GCNT2: variants seen among roughly 807,000 people sequenced by gnomAD.
GCNT2 encodes glucosaminyl (N-acetyl) transferase 2 (I blood group).
A neutral mutation model predicts 34.2 loss-of-function variants in GCNT2; 34 were observed. The ratio of observed to expected loss-of-function variants is 1.00; its 90% CI spans 0.76 to 1.32. The LOEUF (loss-of-function observed/expected upper bound fraction) is 1.32. Ranked by LOEUF, GCNT2 falls within the 40% of genes most tolerant of loss-of-function variation. The pLI, the probability that GCNT2 is intolerant of heterozygous loss-of-function variation, is 0.00. For missense variants in GCNT2, 584 were observed against 489.4 expected (o/e 1.19, Z -1.82); for synonymous variants, 212 against 188.0 (o/e 1.13, Z -1.04).
chr6:10,559,205 C>T lies in GCNT2; in HGVS notation c.925+29369C>T, dbSNP rs369041830. 9.5e-4 allele frequency among the ~76,000 whole-genome samples: 145 copies of T among 151,884 alleles called. 1 individual carries two copies. Among genetic ancestry groups the T allele is most frequent in the Middle Eastern group, 3.4e-3 (1 of 294 alleles). Reference sequence around the variant, plus strand: ...TAAGAAAATCAAGGGAAAAAGAATTCCCCTTTTTTCCTTACCCCTTTCTGA... The same window carrying T: ...TAAGAAAATCAAGGGAAAAAGAATTTCCCTTTTTTCCTTACCCCTTTCTGA... On this transcript the variant is annotated intron_variant, in intron 3 of 4. Transcript: ENST00000495262.
intron 3 of GCNT2, among the ~76,000 whole-genome samples, chr6:10,562,532 AC>A (rs902023218): frequency 1.3e-5 from 2 of 152,016 alleles, no homozygotes; most frequent in Non-Finnish European, 2.9e-5. Context: ...AGCCTGGGCA[AC>A]AAAGCAAGAC....
chr6:10,601,312 T>A (rs955578952), intron 3 of GCNT2, among the ~76,000 whole-genome samples: 29 of 152,302 alleles, frequency 1.9e-4, no homozygotes, highest in South Asian at 1.0e-3. Flanking sequence ...TACCTTTGAT[T>A]TTTCAATATC....
In GCNT2 at chr6:10,521,410, TGAGA is replaced by T. The variant is rs1381313088; in HGVS notation, c.-472_-469del. ...TGGGCAATCTTACCCTCCTGGGAAC[TGAGA>T]GAGGTAGGTGGAGGTCAGCGTGCTG... On this transcript the variant is annotated 5_prime_UTR_variant, in exon 1 of 5. Transcript: ENST00000495262. 3 of 153,184 alleles carry T rather than the reference TGAGA, an allele frequency of 2.0e-5. No individual in the cohort carries two copies. The highest frequency in any genetic ancestry group is 7.2e-5 in the African/African-American group (3 of 41,516). 9.5% of individuals were successfully genotyped at this position (153,184 alleles called of 1,614,324 possible).
rs147623588 is a variant in GCNT2, at chr6:10,531,537, C to T, written c.925+1701C>T. Among the ~76,000 whole-genome samples, 399 of 152,278 alleles carry T rather than the reference C, an allele frequency of 2.6e-3. 5 individuals are homozygous for T. Among genetic ancestry groups the T allele is most frequent in the African/African-American group, 9.1e-3 (378 of 41,550 alleles). On this transcript the variant is annotated intron_variant, in intron 3 of 4. Transcript: ENST00000495262. ...GCTTCCAAGTGATTCTCATGTACAG[C>T]CAGGGGTGTAAACCATTGCAGGTGC... is the stretch of plus-strand genomic sequence containing the variant.
chr6:10,580,923 G>C (rs767039513), intron 3 of GCNT2, among the ~76,000 whole-genome samples: 2 of 152,190 alleles, frequency 1.3e-5, no homozygotes, highest in African/African-American at 2.4e-5. Flanking sequence ...CTTCTTGTTT[G>C]TGACCGTAAA....
intron 3 of GCNT2, among the ~76,000 whole-genome samples, chr6:10,596,985 C>CA (rs1764880941): frequency 6.6e-6 from 1 of 152,078 alleles, no homozygotes; most frequent in Non-Finnish European, 1.5e-5. Context: ...TGAAAGAATA[C>CA]AAACTTTGGA....
chr6:10,603,397 C>CT (rs1211151126), intron 3 of GCNT2, among the ~76,000 whole-genome samples: 3 of 152,114 alleles, frequency 2.0e-5, no homozygotes, highest in East Asian at 3.8e-4. Context: ...TGGAAGAAAA[C>CT]TTTAATGTTA....
intron 3 of GCNT2, chr6:10,573,352 T>TGTTGTC (rs1763641483): frequency 4.3e-6 from 4 of 930,592 alleles, no homozygotes; most frequent in Non-Finnish European, 5.1e-6. Context: ...TGGGTTTTAT[T>TGTTGTC]GTTGTTGTTA....
intron 3 of GCNT2, among the ~76,000 whole-genome samples, chr6:10,536,742 C>T (rs1165941499): frequency 7.3e-6 from 1 of 137,470 alleles, no homozygotes; most frequent in Non-Finnish European, 1.5e-5. Context: ...CTCACTCTGT[C>T]ACCCAGGCTG....
intron 4 of GCNT2, among the ~76,000 whole-genome samples, chr6:10,622,258 A>G (rs900691912): frequency 6.6e-6 from 1 of 152,180 alleles, no homozygotes; most frequent in Non-Finnish European, 1.5e-5. Context: ...GGGCATGAGT[A>G]TTAGTTTGCT....
intron 1 of GCNT2, among the ~76,000 whole-genome samples, chr6:10,526,904 A>C (rs1442127344): frequency 1.3e-5 from 2 of 152,190 alleles, no homozygotes; most frequent in Non-Finnish European, 2.9e-5. Context: ...TAGCTTGAGG[A>C]GTTCAAGACC....
In GCNT2 at chr6:10,566,134, A is replaced by T. The variant is rs1027434091; in HGVS notation, c.925+36298A>T. On this transcript the variant is annotated intron_variant, in intron 3 of 4. Coordinates refer to ENST00000495262, the MANE Select transcript of GCNT2 (RefSeq NM_145649.5). ...TGACGCATGCAGTCCCTCTCCCGGG[A>T]GGCTCCCGGATGCTCTTCCTCCCTA... is the stretch of plus-strand genomic sequence containing the variant. Among the ~76,000 whole-genome samples, 3 of 147,920 alleles carry T rather than the reference A, an allele frequency of 2.0e-5. No individual in the cohort carries two copies. The Admixed American group carries it at 2.0e-4, about 10-fold the overall frequency.
chr6:10,607,637 T>A (rs1765381209), intron 3 of GCNT2, among the ~76,000 whole-genome samples: 1 of 152,216 alleles, frequency 6.6e-6, no homozygotes. Flanking sequence ...TTAATAGCTC[T>A]GTAGAGTGCT....
intron 3 of GCNT2, among the ~76,000 whole-genome samples, chr6:10,577,855 A>C (rs2127403650): frequency 6.6e-6 from 1 of 152,084 alleles, no homozygotes; most frequent in African/African-American, 2.4e-5. Context: ...GAATCCATTT[A>C]AAGCAAACGC....
chr6:10,550,028 T>A (rs370521433), intron 3 of GCNT2, among the ~76,000 whole-genome samples: 1 of 152,212 alleles, frequency 6.6e-6, no homozygotes, highest in Admixed American at 6.5e-5. Flanking sequence ...ACTATGTATT[T>A]CCAAATTATA....
At chr6:10,545,053 T>C (rs1057161052) in intron 3 of GCNT2, among the ~76,000 whole-genome samples, 5 of 152,234 alleles carry the variant, frequency 3.3e-5, no homozygotes, top group African/African-American at 1.2e-4. Flanking sequence ...GTTACTATGA[T>C]TAGATTCCTT....
At chr6:10,554,527 T>C (rs1022258444) in intron 3 of GCNT2, among the ~76,000 whole-genome samples, 26 of 152,218 alleles carry the variant, frequency 1.7e-4, no homozygotes, top group African/African-American at 5.5e-4. Flanking sequence ...AATTAAGTTA[T>C]GTGCACCGAA....
chr6:10,555,866 G>A (rs1266163310), intron 3 of GCNT2: 3 of 991,126 alleles, frequency 3.0e-6, no homozygotes, highest in Admixed American at 5.8e-5. Context: ...TTTCTATCCC[G>A]TGGGTTGCGC....
rs780558447 is a variant in GCNT2 at position 10,529,223 on chromosome 6, C to G, written c.312C>G (p.His104Gln). The G allele has an allele frequency of 6.8e-6, 11 of 1,614,078 alleles. No homozygotes were observed. In the Admixed American group the frequency reaches 1.5e-4, roughly 22 times the overall value. ...CTTTAGCTTACACAGTGACCATCCA[C>G]AAAGACTTCGGCACTTTTGAGAGGC... ...GFPLAYTVTI[H>Q]KDFGTFERLF... Residue 104 changes from histidine (H) to glutamine (Q), a missense_variant, in exon 3 of 5, where the codon CAC becomes CAG. Coordinates refer to ENST00000495262, the MANE Select transcript of GCNT2 (RefSeq NM_145649.5).
Sources: allele counts gnomAD v4.1 joint callset (sites outside exome capture counted in the v4.1 genomes callset), GRCh38; gene constraint gnomAD v4.1.1; transcripts MANE v1.5; gene names NCBI Gene and HGNC (gene_info 2026-07-23, HGNC 2026-07-21).